Variants in CD247 observed in about 807,000 individuals in gnomAD.
CD247 encodes the protein T-cell surface glycoprotein CD3 zeta chain.
A neutral mutation model predicts 30.0 loss-of-function variants in CD247; 13 were observed. The observed-to-expected ratio is 0.43, with a 90% CI of 0.28 to 0.69. The LOEUF is 0.69. Among genes scored for constraint, CD247 ranks in the 30% least tolerant of loss-of-function variants. CD247 has a pLI of 0.16. For synonymous variants in CD247, 72 were observed against 80.0 expected, an observed-to-expected ratio of 0.90 and a Z score of 0.53; for missense variants, 193 against 212.6, an observed-to-expected ratio of 0.91 and a Z score of 0.57.
At chr1:167,513,756 T>C (rs1194719702) in intron 1 of CD247, among the ~76,000 whole-genome samples, 2 of 152,232 alleles carry the variant, frequency 1.3e-5, no homozygotes, top group African/African-American at 4.8e-5. Flanking sequence ...TATTTCTTTA[T>C]TTTTAGTTAT....
chr1:167,435,314 C>A, intron 5 of CD247, 85 bp downstream of exon 5: 1 of 939,802 alleles, frequency 1.1e-6, no homozygotes, highest in Non-Finnish European at 1.7e-6. Context: ...CCTCCTCCAG[C>A]CCTTCCTCCA....
chr1:167,492,078 C>G (rs1654475999), intron 1 of CD247, among the ~76,000 whole-genome samples: 2 of 152,090 alleles, frequency 1.3e-5, no homozygotes, highest in African/African-American at 4.8e-5. Flanking sequence ...TATGAATGTA[C>G]TTGACATCAC....
chr1:167,486,673 C>A (rs1176961937), intron 1 of CD247, among the ~76,000 whole-genome samples: 4 of 152,224 alleles, frequency 2.6e-5, no homozygotes, highest in Non-Finnish European at 4.4e-5. Flanking sequence ...GGGCTTGCTG[C>A]CTGCTGAGGG....
intron 1 of CD247, among the ~76,000 whole-genome samples, chr1:167,466,765 G>A (rs1435673790): frequency 6.6e-6 from 1 of 152,190 alleles, no homozygotes; most frequent in Non-Finnish European, 1.5e-5. Flanking sequence ...CCAACAGGCT[G>A]GAGCCCCTTG....
At chr1:167,449,922 CA>C (rs35198588) in intron 1 of CD247, among the ~76,000 whole-genome samples, 1,838 of 136,338 alleles carry the variant, frequency 0.013, 31 homozygotes, top group African/African-American at 0.045. Context: ...GACTCTGTCT[CA>C]AAAAAAAAAA....
chr1:167,496,301 C>T (rs931266782), intron 1 of CD247, among the ~76,000 whole-genome samples: 1 of 151,730 alleles, frequency 6.6e-6, no homozygotes, highest in Non-Finnish European at 1.5e-5. Context: ...AAGAAGCTAT[C>T]GAGTGTGAGT....
intron 1 of CD247, among the ~76,000 whole-genome samples, chr1:167,485,359 G>A (rs1418361032): frequency 6.6e-6 from 1 of 152,174 alleles, no homozygotes; most frequent in Non-Finnish European, 1.5e-5. Flanking sequence ...TATTTGTTGA[G>A]TGAATGAATG....
rs550778259 is a variant in CD247 at position 167,460,222 on chromosome 1, C to T, written c.59-19455G>A. On this transcript the variant is annotated intron_variant, in intron 1 of 7. Transcript: ENST00000362089. The stretch of plus-strand genomic sequence containing the variant: ...TTTGAGACTAGCCTGGGCAACATGG[C>T]GAAATCCCGTCTCTACAAAAAATAG... Among the ~76,000 whole-genome samples the T allele has an allele frequency of 1.5e-3, 221 of 152,008 alleles. 1 individual carries two copies. Among genetic ancestry groups the T allele is most frequent in the Middle Eastern group, 6.8e-3 (2 of 294 alleles).
At chr1:167,431,805 C>T in intron 7 of CD247, 59 bp from the exon 8 acceptor site, 1 of 1,482,234 alleles carries the variant, frequency 6.7e-7, no homozygotes, top group Admixed American at 1.7e-5. Context: ...TGGGCAGGAG[C>T]CAACCCAGAG....
At chr1:167,515,767 C>T (rs987838037) in intron 1 of CD247, among the ~76,000 whole-genome samples, 1 of 152,204 alleles carries the variant, frequency 6.6e-6, no homozygotes, top group Non-Finnish European at 1.5e-5. Flanking sequence ...ATGCCCACTG[C>T]TGCTTTATAA....
chr1:167,501,132 A>G lies in CD247; in HGVS notation c.58+17276T>C, dbSNP rs552207334. ...TGCAATGGCGCGATCTCGGCTCACC[A>G]CAACCTCCGCCTCCCGGGTTCAAGC... On this transcript the variant is annotated intron_variant, in intron 1 of 7. Coordinates refer to ENST00000362089, the MANE Select transcript of CD247 (RefSeq NM_198053.3). Among the ~76,000 whole-genome samples, 436 of 139,280 alleles carry G rather than the reference A, an allele frequency of 3.1e-3. 4 individuals carry two copies. Among genetic ancestry groups the G allele is most frequent in the African/African-American group, 0.011 (406 of 36,832 alleles). The allele number at this position is 139,280 out of a possible 152,430, so 91.4% of individuals were successfully genotyped here.
intron 1 of CD247, among the ~76,000 whole-genome samples, chr1:167,503,001 G>A (rs1256928928): frequency 6.6e-6 from 1 of 152,184 alleles, no homozygotes; most frequent in African/African-American, 2.4e-5. Flanking sequence ...TGTTAAGGCA[G>A]CCCTAGGAAA....
chr1:167,496,673 G>A (rs578062902), intron 1 of CD247, among the ~76,000 whole-genome samples: 1 of 152,354 alleles, frequency 6.6e-6, no homozygotes, highest in East Asian at 1.9e-4. Context: ...ATGGGGCTGA[G>A]AAGTGGGTAA....
At chr1:167,457,560 G>C (rs12061855) in intron 1 of CD247, 10,160 of 152,298 alleles carry the variant, frequency 0.067, 860 homozygotes, top group African/African-American at 0.2. Flanking sequence ...GGGAGCACAC[G>C]CTTGTCTGTC....
intron 4 of CD247, among the ~76,000 whole-genome samples, chr1:167,436,822 GACA>G (rs1651563314): frequency 6.6e-6 from 1 of 151,798 alleles, no homozygotes; most frequent in Non-Finnish European, 1.5e-5. Context: ...AAAGACAAAA[GACA>G]ACAATAGTTG....
At chr1:167,517,638 C>T (rs1000636264) in intron 1 of CD247, among the ~76,000 whole-genome samples, 1 of 152,240 alleles carries the variant, frequency 6.6e-6, no homozygotes, top group Non-Finnish European at 1.5e-5. Flanking sequence ...CACATCGTCT[C>T]ATCTGCCCCG....
chr1:167,448,625 C>T, intron 1 of CD247: 1 of 704,976 alleles, frequency 1.4e-6, no homozygotes, highest in Non-Finnish European at 1.7e-6. Context: ...AATTTACTGG[C>T]AACATATAAT....
intron 1 of CD247, among the ~76,000 whole-genome samples, chr1:167,445,797 C>T (rs1652050868): frequency 6.6e-6 from 1 of 152,188 alleles, no homozygotes. Flanking sequence ...CACGCTGGTG[C>T]CCTTTCCCCT....
In CD247 at chr1:167,434,047, G is replaced by C; in HGVS notation, c.366C>G (p.Ala122=). Residue 122 remains alanine, a synonymous_variant, in exon 6 of 8, where the codon GCC becomes GCG. Transcript: ENST00000362089. Reference sequence around the variant, plus strand: ...CGCCTTTCATCCCAATCTCACTGTAGGCCTCCGCCATCTTATCTTTCTGCA... The same window carrying C: ...CGCCTTTCATCCCAATCTCACTGTACGCCTCCGCCATCTTATCTTTCTGCA... ...NELQKDKMAE[A]YSEIGMKGER... The C allele has an allele frequency of 6.2e-7, 1 of 1,614,144 alleles. No individual in the cohort carries two copies. Among genetic ancestry groups the C allele is most frequent in the South Asian group, 1.1e-5 (1 of 91,080 alleles).
Sources: allele counts gnomAD v4.1 joint callset (sites outside exome capture counted in the v4.1 genomes callset), GRCh38; gene constraint gnomAD v4.1.1; transcripts MANE v1.5; gene names NCBI Gene and HGNC (gene_info 2026-07-23, HGNC 2026-07-21).